The following ROBO2 variants were observed in gnomAD, a reference collection of about 807,000 sequenced individuals.
ROBO2 encodes the protein roundabout homolog 2.
In ROBO2, 53 loss-of-function variants were observed where a neutral mutation model predicts 160.8. The ratio of observed to expected loss-of-function variants is 0.33; its 90% CI spans 0.26 to 0.41. ROBO2 has a LOEUF of 0.41. ROBO2 is among the 10% of genes least tolerant of loss of function. The pLI, the probability that ROBO2 is intolerant of heterozygous loss-of-function variation, is 1.00. For missense variants in ROBO2, 1,577 were observed against 1,722.4 expected (o/e 0.92, Z 1.49); for synonymous variants, 664 against 611.7 (o/e 1.09, Z -1.26).
intron 2 of ROBO2, among the ~76,000 whole-genome samples, chr3:77,119,758 A>G (rs2074560891): frequency 6.6e-6 from 1 of 152,238 alleles, no homozygotes; most frequent in Non-Finnish European, 1.5e-5. Context: ...AGAAAGAAAG[A>G]AAATACATAG....
chr3:76,313,883 A>G (rs1165505531), intron 2 of ROBO2, among the ~76,000 whole-genome samples: 1 of 152,164 alleles, frequency 6.6e-6, no homozygotes, highest in African/African-American at 2.4e-5. Flanking sequence ...CCATTGAGAC[A>G]GAAATGGTTA....
chr3:77,317,777 C>T (rs1419867020), intron 2 of ROBO2, among the ~76,000 whole-genome samples: 1 of 6,544 alleles, frequency 1.5e-4, no homozygotes, highest in African/African-American at 1.0e-3. Context: ...CTGCTAGGGG[C>T]GCTGCTGGGG....
chr3:77,573,836 C>T (rs2093696093), intron 13 of ROBO2, among the ~76,000 whole-genome samples: 1 of 151,660 alleles, frequency 6.6e-6, no homozygotes. Flanking sequence ...TCATTCTTAA[C>T]ATTTGTTTAT....
chr3:76,876,477 C>T (rs1164720343), intron 2 of ROBO2, among the ~76,000 whole-genome samples: 2 of 152,120 alleles, frequency 1.3e-5, no homozygotes, highest in Non-Finnish European at 2.9e-5. Flanking sequence ...CAGTTTAAAA[C>T]CAGCCTGGCT....
intron 2 of ROBO2, among the ~76,000 whole-genome samples, chr3:76,469,030 T>C (rs2106987559): frequency 6.6e-6 from 1 of 152,208 alleles, no homozygotes; most frequent in Non-Finnish European, 1.5e-5. Context: ...TTTGATCCTG[T>C]TGAATGTACC....
intron 2 of ROBO2, among the ~76,000 whole-genome samples, chr3:77,236,646 T>C (rs554653386): frequency 9.8e-5 from 15 of 152,336 alleles, no homozygotes; most frequent in South Asian, 6.2e-4. Context: ...TCTTCTGGTA[T>C]CATACAGAAT....
Position 76,636,538 on chromosome 3 carries a change from G to A in ROBO2, c.110-461476G>A, listed in dbSNP as rs543396917. ...GGAGTAGCATCATCATGAGCTGTGA[G>A]TCCCCAGTCCTGACTCCCAGCAATG... On this transcript the variant is annotated intron_variant, in intron 2 of 26. Transcript: ENST00000487694. Among the ~76,000 whole-genome samples the A allele has an allele frequency of 3.9e-5, 6 of 152,240 alleles. No homozygotes were observed. In the South Asian group the frequency reaches 1.2e-3, roughly 32 times the overall value.
At chr3:76,304,188 T>C (rs1345530604) in intron 2 of ROBO2, among the ~76,000 whole-genome samples, 1 of 152,214 alleles carries the variant, frequency 6.6e-6, no homozygotes, top group Non-Finnish European at 1.5e-5. Context: ...CCATACATTG[T>C]GCAAAAAACA....
At chr3:77,344,823 T>C (rs757734767) in intron 2 of ROBO2, among the ~76,000 whole-genome samples, 2 of 152,112 alleles carry the variant, frequency 1.3e-5, no homozygotes, top group Non-Finnish European at 2.9e-5. Flanking sequence ...TTGAAAATAA[T>C]AATATTAAAA....
intron 2 of ROBO2, among the ~76,000 whole-genome samples, chr3:76,940,313 A>G (rs1559736538): frequency 6.6e-6 from 1 of 152,194 alleles, no homozygotes; most frequent in South Asian, 2.1e-4. Flanking sequence ...GCCAAATATT[A>G]GAACTATAGA....
rs115995702 is a variant in ROBO2 at position 76,025,761 on chromosome 3, T to G, written c.109+88159T>G. On this transcript the variant is annotated intron_variant, in intron 2 of 26. Transcript: ENST00000487694. ...AGTAATTCTACCTTACAAAATATTT[T>G]CCATGCTCTGTAATGTCTGGCTCCT... 2.9e-3 allele frequency among the ~76,000 whole-genome samples: 442 copies of G among 151,884 alleles called. 1 individual carries two copies. Among genetic ancestry groups the G allele is most frequent in the Non-Finnish European group, 5.0e-3 (342 of 67,784 alleles).
At chr3:76,453,368 G>A (rs113150573) in intron 2 of ROBO2, among the ~76,000 whole-genome samples, 8,262 of 152,238 alleles carry the variant, frequency 0.054, 592 homozygotes, top group African/African-American at 0.16. Flanking sequence ...GTGTAAGGAA[G>A]CGATCCAGTT....
intron 2 of ROBO2, among the ~76,000 whole-genome samples, chr3:77,008,193 G>A (rs951446487): frequency 6.6e-6 from 1 of 151,930 alleles, no homozygotes; most frequent in African/African-American, 2.4e-5. Flanking sequence ...TCGGTTTCTT[G>A]AACTTGAAAT....
chr3:76,317,647 C>T (rs1362876482), intron 2 of ROBO2, among the ~76,000 whole-genome samples: 1 of 151,966 alleles, frequency 6.6e-6, no homozygotes, highest in Non-Finnish European at 1.5e-5. Context: ...GATTTAATAC[C>T]TTATCTTTCT....
At chr3:77,414,044 C>T (rs1476776077) in intron 2 of ROBO2, among the ~76,000 whole-genome samples, 2 of 151,404 alleles carry the variant, frequency 1.3e-5, no homozygotes, top group Non-Finnish European at 2.9e-5. Flanking sequence ...TGGATCAGTT[C>T]ATTTTTAAAG....
intron 2 of ROBO2, among the ~76,000 whole-genome samples, chr3:76,705,785 C>G (rs182040): frequency 6.6e-6 from 1 of 151,378 alleles, no homozygotes; most frequent in Non-Finnish European, 1.5e-5. Flanking sequence ...AGCATGATTT[C>G]TTTCTATTTG....
At chr3:76,916,693 A>C (rs1028653386) in intron 2 of ROBO2, among the ~76,000 whole-genome samples, 1 of 151,974 alleles carries the variant, frequency 6.6e-6, no homozygotes, top group Admixed American at 6.6e-5. Flanking sequence ...TTTATATATG[A>C]ATTACTGTGA....
At chr3:77,414,164 A>G (rs2077025210) in intron 2 of ROBO2, among the ~76,000 whole-genome samples, 1 of 152,338 alleles carries the variant, frequency 6.6e-6, no homozygotes, top group South Asian at 2.1e-4. Context: ...TGTTGGCCAA[A>G]TGAACTAAAT....
At chr3:76,379,430 C>G (rs2076512338) in intron 2 of ROBO2, among the ~76,000 whole-genome samples, 1 of 151,900 alleles carries the variant, frequency 6.6e-6, no homozygotes, top group African/African-American at 2.4e-5. Context: ...CAAATTGATC[C>G]TGAGTTTTTA....
Sources: gnomAD v4.1 joint callset for allele counts (sites outside exome capture counted in the v4.1 genomes callset) on GRCh38, gnomAD v4.1.1 for gene constraint, MANE v1.5 for transcripts, NCBI Gene and HGNC (gene_info 2026-07-23, HGNC 2026-07-21) for gene names.